CDIN1: variants seen among roughly 807,000 people sequenced by gnomAD.
CDIN1 encodes the protein CDAN1 interacting nuclease 1.
CDIN1 carries 33 observed loss-of-function variants against 45.3 expected under a neutral mutation model. The ratio of observed to expected loss-of-function variants is 0.73; its 90% CI spans 0.55 to 0.97. The LOEUF is 0.97. CDIN1 is among the 50% of genes least tolerant of loss of function. The pLI, the probability that CDIN1 is intolerant of heterozygous loss-of-function variation, is 0.00. For synonymous variants in CDIN1, 118 were observed against 124.4 expected, an observed-to-expected ratio of 0.95 and a Z score of 0.34; for missense variants, 303 against 339.4, an observed-to-expected ratio of 0.89 and a Z score of 0.84.
intron 3 of CDIN1, among the ~76,000 whole-genome samples, chr15:36,651,806 G>T (rs2040586266): frequency 6.6e-6 from 1 of 152,102 alleles, no homozygotes; most frequent in Non-Finnish European, 1.5e-5. Flanking sequence ...TCATAATTAG[G>T]AATTTCCACA....
chr15:36,754,800 T>C (rs2053567197), intron 10 of CDIN1, among the ~76,000 whole-genome samples: 1 of 152,152 alleles, frequency 6.6e-6, no homozygotes, highest in Non-Finnish European at 1.5e-5. Flanking sequence ...TTATAGTACC[T>C]GAAGTCAAGC....
chr15:36,654,100 A>C lies in CDIN1; in HGVS notation c.215A>C (p.Tyr72Ser). 4 of 1,576,872 alleles carry C rather than the reference A, an allele frequency of 2.5e-6. No homozygotes were observed. The highest frequency in any genetic ancestry group is 3.5e-6 in the Non-Finnish European group (4 of 1,158,932). ...CCACTTGGCTTTGTCTTGTCTAGGT[A>C]CCTGAATGGAGTGGTGAAAAATGGA... ...SEAIESYYQR[Y>S]LNGVVKNGAA... The change falls in exon 4 of 11, where the codon TAC becomes TCC. Residue 72 changes from tyrosine (Y) to serine (S), a missense_variant and splice_region_variant. Transcript: ENST00000566621.
In CDIN1 at chr15:36,692,195, T is replaced by G. The variant is rs1218389798; in HGVS notation, c.476+20T>G. 3 of 1,611,758 alleles carry G rather than the reference T, an allele frequency of 1.9e-6. No homozygotes were observed. The highest frequency in any genetic ancestry group is 2.5e-6 in the Non-Finnish European group (3 of 1,178,584). On this transcript the variant is annotated intron_variant, in intron 7 of 10. Coordinates refer to ENST00000566621, the MANE Select transcript of CDIN1 (RefSeq NM_001321759.2). ...CAAGCAGTATCCTTTCCCATAAAAT[T>G]TTAGGTGCGCAATTGACGAGCTTAG...
intron 10 of CDIN1, among the ~76,000 whole-genome samples, chr15:36,710,771 G>A (rs1237007768): frequency 3.3e-5 from 5 of 152,110 alleles, no homozygotes; most frequent in Admixed American, 2.0e-4. Flanking sequence ...AATGACATTG[G>A]CTCAGATCCT....
intron 10 of CDIN1, among the ~76,000 whole-genome samples, chr15:36,733,043 T>G (rs1207545026): frequency 6.6e-6 from 1 of 152,076 alleles, no homozygotes; most frequent in African/African-American, 2.4e-5. Flanking sequence ...GAAAAGTGTT[T>G]AATTCCTAAA....
At chr15:36,625,320 G>A (rs930731078) in intron 1 of CDIN1, among the ~76,000 whole-genome samples, 34 of 152,050 alleles carry the variant, frequency 2.2e-4, no homozygotes, top group Middle Eastern at 3.4e-3. Context: ...TTTACTCTGT[G>A]AAAAGGTTGG....
intron 10 of CDIN1, among the ~76,000 whole-genome samples, chr15:36,723,132 C>G (rs1333484892): frequency 1.3e-5 from 2 of 152,116 alleles, no homozygotes; most frequent in Non-Finnish European, 1.5e-5. Context: ...ATTGTACTAG[C>G]AAATTGTCTT....
intron 1 of CDIN1, among the ~76,000 whole-genome samples, chr15:36,630,791 A>C (rs2140348856): frequency 6.6e-6 from 1 of 152,264 alleles, no homozygotes; most frequent in East Asian, 1.9e-4. Flanking sequence ...GGGAGCTGAT[A>C]TGTGCAGAGA....
intron 1 of CDIN1, among the ~76,000 whole-genome samples, chr15:36,585,700 A>G (rs1003620412): frequency 6.6e-6 from 1 of 152,132 alleles, no homozygotes; most frequent in Admixed American, 6.6e-5. Flanking sequence ...TTTTATTATT[A>G]TTATTATTTT....
intron 10 of CDIN1, among the ~76,000 whole-genome samples, chr15:36,758,630 G>A (rs1036641113): frequency 6.6e-6 from 1 of 152,102 alleles, no homozygotes; most frequent in African/African-American, 2.4e-5. Context: ...CCTTTACAAA[G>A]AAATATATCA....
intron 10 of CDIN1, among the ~76,000 whole-genome samples, chr15:36,788,648 AATT>A (rs2054568728): frequency 6.6e-6 from 1 of 152,194 alleles, no homozygotes; most frequent in Non-Finnish European, 1.5e-5. Context: ...TTCAAAACAA[AATT>A]ATTACTTAAA....
intron 5 of CDIN1, chr15:36,691,180 G>A: frequency 1.9e-6 from 1 of 518,498 alleles, no homozygotes; most frequent in Non-Finnish European, 3.9e-6. Context: ...ATTTTGGAAA[G>A]GTTTAGAATT....
Position 36,697,390 on chromosome 15 carries a change from G to A in CDIN1, c.544G>A (p.Asp182Asn), listed in dbSNP as rs1474042521. ...LLLEKNLSFL[D>N]EDQLRAKGYD... Reference sequence around the variant, plus strand: ...TCTAGAGAAAAACCTGTCCTTCCTAGGTAAGTATTATTCACATCTTCTCTA... The same window carrying A: ...TCTAGAGAAAAACCTGTCCTTCCTAAGTAAGTATTATTCACATCTTCTCTA... The change falls in exon 8 of 11, where the codon GAT (aspartate) becomes AAT (asparagine). Residue 182 changes from aspartate to asparagine, a missense_variant and splice_region_variant. Transcript: ENST00000566621. The A allele has an allele frequency of 6.2e-7, 1 of 1,609,572 alleles. No homozygotes were observed. Among genetic ancestry groups the A allele is most frequent in the East Asian group, 2.2e-5 (1 of 44,678 alleles).
chr15:36,699,581 T>A (rs778648969), intron 8 of CDIN1, among the ~76,000 whole-genome samples: 3 of 152,172 alleles, frequency 2.0e-5, no homozygotes, highest in Non-Finnish European at 2.9e-5. Context: ...AATATTCTCA[T>A]CTTTTAATAT....
intron 10 of CDIN1, among the ~76,000 whole-genome samples, chr15:36,769,041 AG>A (rs34290616): frequency 0.059 from 9,004 of 152,252 alleles, 311 homozygotes; most frequent in South Asian, 0.12. Context: ...ATTCAAGTGC[AG>A]AGTTAAGAAT....
chr15:36,798,320 T>C (rs892649659), intron 10 of CDIN1, among the ~76,000 whole-genome samples: 1 of 152,238 alleles, frequency 6.6e-6, no homozygotes, highest in Non-Finnish European at 1.5e-5. Context: ...GATCTAGACA[T>C]TTCTAACTTC....
At chr15:36,784,591 C>A (rs79849434) in intron 10 of CDIN1, among the ~76,000 whole-genome samples, 2,968 of 152,268 alleles carry the variant, frequency 0.019, 105 homozygotes, top group African/African-American at 0.067. Flanking sequence ...GCAGCAGTGA[C>A]GAATAATCTA....
At chr15:36,592,878 A>G (rs1047312800) in intron 1 of CDIN1, among the ~76,000 whole-genome samples, 1 of 152,154 alleles carries the variant, frequency 6.6e-6, no homozygotes. Context: ...GGAATTTAGA[A>G]ATGCTCTAGT....
intron 1 of CDIN1, among the ~76,000 whole-genome samples, chr15:36,643,515 C>T (rs62002297): frequency 0.13 from 19,851 of 152,148 alleles, 1,328 homozygotes; most frequent in Middle Eastern, 0.17. Context: ...AAAGGACAGT[C>T]GAAAAGAGTA....
Sources: allele counts gnomAD v4.1 joint callset (sites outside exome capture counted in the v4.1 genomes callset), GRCh38; gene constraint gnomAD v4.1.1; transcripts MANE v1.5; gene names NCBI Gene and HGNC (gene_info 2026-07-23, HGNC 2026-07-21).